EPS8L2: variants seen among roughly 807,000 people sequenced by gnomAD.
EPS8L2 encodes the protein epidermal growth factor receptor kinase substrate 8-like protein 2.
Under a neutral mutation model 99.4 loss-of-function variants are expected in EPS8L2, and 81 were observed. The observed-to-expected ratio is 0.82, with a 90% CI of 0.68 to 0.98. EPS8L2 has a LOEUF of 0.98. EPS8L2 is among the 50% of genes least tolerant of loss of function. EPS8L2 has a pLI of 0.00. For synonymous variants in EPS8L2, 509 were observed against 407.3 expected (o/e 1.25, Z -3.01); for missense variants, 1,155 against 968.8 (o/e 1.19, Z -2.55).
rs1238653496 is a variant in EPS8L2, at chr11:726,610, C to T, written c.1935-9C>T. 7 of 1,544,098 alleles carry T rather than the reference C, an allele frequency of 4.5e-6. No homozygotes were observed. The highest frequency in any genetic ancestry group is 2.7e-5 in the African/African-American group (2 of 72,948). On this transcript the variant is annotated splice_polypyrimidine_tract_variant and intron_variant, in intron 19 of 20. Coordinates refer to ENST00000318562, the MANE Select transcript of EPS8L2 (RefSeq NM_022772.4). ...AGCGCGGCCCTGACGCCCAACTGCC[C>T]GCCCCCAGGATCGTGGAGAACCTGG...
At position 721,273 on chromosome 11, in the gene EPS8L2, G is replaced by A. The variant is rs534260494; in HGVS notation, c.701-12G>A. 1.9e-6 allele frequency: 3 copies of A among 1,539,888 alleles called. No individual in the cohort carries two copies. The highest frequency in any genetic ancestry group is 3.9e-5 in the Admixed American group (2 of 50,824). On this transcript the variant is annotated splice_polypyrimidine_tract_variant and intron_variant, in intron 8 of 20. Transcript: ENST00000318562. ...GGGGGGCTCGGTGAGCAGCCGCCGT[G>A]TCCCCCATCAGGTTTCCGCCGTCGG...
chr11:714,987 A>G (rs927761456), intron 4 of EPS8L2, among the ~76,000 whole-genome samples: 2 of 152,122 alleles, frequency 1.3e-5, no homozygotes, highest in Non-Finnish European at 2.9e-5. Flanking sequence ...TCATGCCTGT[A>G]ATCCCAGCAC....
At chr11:720,943 C>CGGGGAGGGGAGGAGCCCGGCAGGGGAG in intron 7 of EPS8L2, 34 bp downstream of exon 7, 3 of 502,470 alleles carry the variant, frequency 6.0e-6, no homozygotes, top group Non-Finnish European at 8.5e-6. Flanking sequence ...TCGCAGGGGG[C>CGGGGAGGGGAGGAGCCCGGCAGGGGAG]GGGGAGGGGA....
In EPS8L2 at chr11:720,650, C is replaced by T; in HGVS notation, c.381C>T (p.Leu127=). The change falls in exon 6 of 21, where the codon CTC becomes CTT. Residue 127 remains leucine (L), a synonymous_variant. Transcript: ENST00000318562. ...LPTVQRSQTV[L]NQLRYPSVLL... Reference sequence around the variant, plus strand: ...CGGTGCAGCGCAGCCAGACGGTCCTCAACCAGCTGCGCTACCCGTCTGTGC... The same window carrying T: ...CGGTGCAGCGCAGCCAGACGGTCCTTAACCAGCTGCGCTACCCGTCTGTGC... 1 of 1,598,376 alleles carries T rather than the reference C, an allele frequency of 6.3e-7. No homozygotes were observed. Among genetic ancestry groups the T allele is most frequent in the Non-Finnish European group, 8.5e-7 (1 of 1,174,130 alleles).
intron 4 of EPS8L2, among the ~76,000 whole-genome samples, chr11:711,110 C>T (rs768033439): frequency 5.9e-5 from 9 of 152,154 alleles, no homozygotes; most frequent in Non-Finnish European, 1.2e-4. Context: ...GAGGCCCGGG[C>T]TGCTTCTCAG....
chr11:715,838 T>C (rs1862010992), intron 4 of EPS8L2, among the ~76,000 whole-genome samples: 1 of 151,852 alleles, frequency 6.6e-6, no homozygotes. Flanking sequence ...GCCAGGATGG[T>C]CTCGATCTCA....
chr11:725,821 G>C lies in EPS8L2; in HGVS notation c.1654G>C (p.Glu552Gln). Residue 552 changes from glutamate to glutamine, a missense_variant, in exon 17 of 21, where the codon GAG becomes CAG. Physicochemically the swap from Glu to Gln is conservative, Grantham distance 29. Coordinates refer to ENST00000318562, the MANE Select transcript of EPS8L2 (RefSeq NM_022772.4). ...PCNILGEARP[E>Q]DAGAPFEQAG... ...CAACATCCTAGGCGAGGCGCGACCG[G>C]AGGACGCCGGCGCCCCGTTCGAGCA... 1 of 1,387,748 alleles carries C rather than the reference G, an allele frequency of 7.2e-7. No individual in the cohort carries two copies. The highest frequency in any genetic ancestry group is 1.5e-5 in the African/African-American group (1 of 66,700). The allele number at this position is 1,387,748 out of a possible 1,614,324, so 86.0% of individuals were successfully genotyped here.
chr11:720,477 A>G, intron 5 of EPS8L2, 120 bp from the exon 6 acceptor site: 1 of 1,465,028 alleles, frequency 6.8e-7, no homozygotes, highest in Non-Finnish European at 9.2e-7. Flanking sequence ...CATCTTTGGG[A>G]GCCCATTCCC....
intron 4 of EPS8L2, among the ~76,000 whole-genome samples, chr11:710,688 C>T (rs562157688): frequency 1.3e-5 from 2 of 152,356 alleles, no homozygotes; most frequent in South Asian, 4.1e-4. Context: ...AAGATCGCAC[C>T]ACTGCACTCC....
chr11:713,902 C>T (rs1861950238), intron 4 of EPS8L2, among the ~76,000 whole-genome samples: 1 of 151,922 alleles, frequency 6.6e-6, no homozygotes, highest in Non-Finnish European at 1.5e-5. Context: ...GGCTGGTCCC[C>T]AACGCCTGAC....
chr11:709,440 G>C lies in EPS8L2; in HGVS notation c.33G>C (p.Pro11=), dbSNP rs777671124. 6.3e-7 allele frequency: 1 copy of C among 1,597,276 alleles called. No individual in the cohort carries two copies. Among genetic ancestry groups the C allele is most frequent in the Non-Finnish European group, 8.5e-7 (1 of 1,173,320 alleles). ...AGTCCGGGGCCGTGAGCTGCTGCCCGGGTGCCACCAAGTGAGCCCTCCCAC... is the reference window on the plus strand; with the variant it reads ...AGTCCGGGGCCGTGAGCTGCTGCCCCGGTGCCACCAAGTGAGCCCTCCCAC... MSQSGAVSCC[P]GATNGSLGRS... is the part of the protein sequence containing the mutation. The change falls in exon 2 of 21, where the codon CCG becomes CCC. Residue 11 remains proline, a synonymous_variant. Coordinates refer to ENST00000318562, the MANE Select transcript of EPS8L2 (RefSeq NM_022772.4).
chr11:714,669 A>C (rs576939077), intron 4 of EPS8L2, among the ~76,000 whole-genome samples: 1 of 80,918 alleles, frequency 1.2e-5, no homozygotes, highest in East Asian at 3.0e-4. Flanking sequence ...ATTTTATTTT[A>C]TTTTATTTTT....
chr11:709,793 C>G, intron 3 of EPS8L2, 185 bp downstream of exon 3: 1 of 640,602 alleles, frequency 1.6e-6, no homozygotes, highest in Admixed American at 2.6e-5. Context: ...ATCCCCTCCC[C>G]CACACCCGTA....
chr11:711,498 A>C (rs948401840), intron 4 of EPS8L2, among the ~76,000 whole-genome samples: 27 of 151,942 alleles, frequency 1.8e-4, no homozygotes, highest in African/African-American at 6.5e-4. Context: ...GGCTGGCCCC[A>C]CCATGCCCAT....
intron 1 of EPS8L2, among the ~76,000 whole-genome samples, chr11:707,357 G>T (rs921577083): frequency 1.3e-5 from 2 of 152,158 alleles, no homozygotes; most frequent in Admixed American, 6.5e-5. Flanking sequence ...GCGCCTATGA[G>T]GGCAGCCTGG....
chr11:715,769 C>T (rs1862008449), intron 4 of EPS8L2, among the ~76,000 whole-genome samples: 1 of 150,420 alleles, frequency 6.6e-6, no homozygotes, highest in African/African-American at 2.4e-5. Context: ...TACAGGTGCC[C>T]ACCACCACGC....
At chr11:722,230 C>A in intron 12 of EPS8L2, 65 bp downstream of exon 12, 14 of 1,571,086 alleles carry the variant, frequency 8.9e-6, no homozygotes, top group Non-Finnish European at 1.2e-5. Flanking sequence ...AGCATCTCCC[C>A]GGGGTCGGGG....
At chr11:712,478 C>T (rs1464748078) in intron 4 of EPS8L2, among the ~76,000 whole-genome samples, 1 of 150,448 alleles carries the variant, frequency 6.6e-6, no homozygotes, top group African/African-American at 2.4e-5. Context: ...GCTGGGCTCC[C>T]GGTTGTCGTC....
intron 4 of EPS8L2, among the ~76,000 whole-genome samples, chr11:715,168 G>T (rs1017073464): frequency 2.0e-5 from 3 of 152,064 alleles, no homozygotes; most frequent in African/African-American, 2.4e-5. Flanking sequence ...CGTGAACCCC[G>T]GAGGCGGAGC....
Sources: allele counts gnomAD v4.1 joint callset (sites outside exome capture counted in the v4.1 genomes callset), GRCh38; gene constraint gnomAD v4.1.1; transcripts MANE v1.5; gene names NCBI Gene and HGNC (gene_info 2026-07-23, HGNC 2026-07-21).